The following TBL3 variants were observed in gnomAD, a reference collection of about 807,000 sequenced individuals.
The protein encoded by TBL3 is transducin beta like 3.
In TBL3, 71 loss-of-function variants were observed where a neutral mutation model predicts 102.7. That is an observed-to-expected ratio of 0.69 (90% CI 0.57 to 0.84). TBL3 has a LOEUF of 0.84. TBL3 is among the 40% of genes least tolerant of loss of function. The pLI is 0.00. For missense variants in TBL3, 1,188 were observed against 1,098.5 expected (o/e 1.08, Z -1.15); for synonymous variants, 578 against 477.7 (o/e 1.21, Z -2.74).
In TBL3 at chr16:1,978,310, C is replaced by T; in HGVS notation, c.2135-3C>T. ...AAGACGATGAGGGTCCTGTTGCCCA[C>T]AGAGGCCCTGCTGCGCTTCTGCGTC... On this transcript the variant is annotated splice_polypyrimidine_tract_variant and splice_region_variant and intron_variant, in intron 20 of 21. Transcript: ENST00000568546. 1 of 1,609,548 alleles carries T rather than the reference C, an allele frequency of 6.2e-7. No individual in the cohort carries two copies. The highest frequency in any genetic ancestry group is 1.3e-5 in the African/African-American group (1 of 75,034).
chr16:1,972,236 A>G (rs2083366116), intron 1 of TBL3, 31 bp downstream of exon 1: 2 of 1,329,802 alleles, frequency 1.5e-6, no homozygotes, highest in Non-Finnish European at 1.9e-6. Context: ...CCGTGCGGGG[A>G]GGGAGCTGGG....
At position 1,980,143 on chromosome 16, in the gene TBL3, G is replaced by C; in HGVS notation, c.*1458G>C. 1.2e-6 allele frequency: 2 copies of C among 1,605,716 alleles called. No homozygotes were observed. The highest frequency in any genetic ancestry group is 2.0e-4 in the Middle Eastern group (1 of 5,030). ...GATGGAGAGGCGGCCCGCAGCGCGA[G>C]AAAGAGGCTGCTCCTCTGGGGTGGG... On this transcript the variant is annotated 3_prime_UTR_variant, in exon 22 of 22. Transcript: ENST00000568546.
In TBL3 at chr16:1,976,923, C is replaced by T; in HGVS notation, c.1402C>T (p.Leu468Phe). 3 of 1,613,994 alleles carry T rather than the reference C, an allele frequency of 1.9e-6. No individual in the cohort carries two copies. Among genetic ancestry groups the T allele is most frequent in the Non-Finnish European group, 1.7e-6 (2 of 1,180,018 alleles). The change falls in exon 14 of 22, where the codon CTC (leucine) becomes TTC (phenylalanine). Residue 468 changes from leucine to phenylalanine, a missense_variant. Transcript: ENST00000568546. ...CACAGCCCCAGACAACGGCCCTATC[C>T]TCCTGCAGGCCCAGACCACTCAGCG... ...KNTAPDNGPI[L>F]LQAQTTQRCH...
In TBL3 at chr16:1,979,435, A is replaced by G. The variant is rs368646681; in HGVS notation, c.*750A>G. 23 of 1,609,320 alleles carry G rather than the reference A, an allele frequency of 1.4e-5. No individual in the cohort carries two copies. In the African/African-American group the frequency reaches 2.5e-4, roughly 18 times the overall value. On this transcript the variant is annotated 3_prime_UTR_variant, in exon 22 of 22. Transcript: ENST00000568546. ...CCCGCTCCCGCGTACCTGCATAGCC[A>G]CCAGCCGCGGTCTGACGTTTCCAAC... is the stretch of plus-strand genomic sequence containing the variant.
Position 1,977,995 on chromosome 16 carries a change from T to C in TBL3, c.1996T>C (p.Tyr666His). The C allele has an allele frequency of 6.2e-7, 1 of 1,606,290 alleles. No individual in the cohort carries two copies. The highest frequency in any genetic ancestry group is 8.5e-7 in the Non-Finnish European group (1 of 1,176,286). ...GGACAACCTGCTGCATGAGAAGCGG[T>C]ACCTGCGGGCGCTGGGCCTGGCCAT... ...ELDNLLHEKR[Y>H]LRALGLAISL... is the part of the protein sequence containing the mutation. Residue 666 changes from tyrosine to histidine, a missense_variant, in exon 19 of 22, where the codon TAC becomes CAC. Coordinates refer to ENST00000568546, the MANE Select transcript of TBL3 (RefSeq NM_006453.3).
rs369593961 is a variant in TBL3, at chr16:1,978,630, C to G, written c.2372C>G (p.Pro791Arg). The change falls in exon 22 of 22, where the codon CCT (proline) becomes CGT (arginine). Residue 791 changes from proline (P) to arginine (R), a missense_variant. Pro to Arg is a moderately radical substitution (Grantham distance 103). Coordinates refer to ENST00000568546, the MANE Select transcript of TBL3 (RefSeq NM_006453.3). ...LDFLWHNMKL[P>R]VPAAAPTPWE... ...TTCCTGTGGCACAACATGAAGCTCC[C>G]TGTGCCGGCCGCCGCCCCCACCCCC... 2.5e-6 allele frequency: 4 copies of G among 1,612,752 alleles called. No homozygotes were observed. In the East Asian group the frequency reaches 8.9e-5, roughly 36 times the overall value.
rs1390310316 is a variant in TBL3, at chr16:1,979,923, A to T, written c.*1238A>T. ...ACCAGCCTGTGCGCAAGAAGCGGGC[A>T]GGGACTCAAATCTCGAGGCTCCCTC... is the stretch of plus-strand genomic sequence containing the variant. On this transcript the variant is annotated 3_prime_UTR_variant, in exon 22 of 22. Coordinates refer to ENST00000568546, the MANE Select transcript of TBL3 (RefSeq NM_006453.3). 6.3e-7 allele frequency: 1 copy of T among 1,577,324 alleles called. No homozygotes were observed. The highest frequency in any genetic ancestry group is 1.2e-5 in the South Asian group (1 of 86,924).
chr16:1,980,472 G>T lies in TBL3; in HGVS notation c.*1787G>T. The T allele has an allele frequency of 6.2e-7, 1 of 1,602,388 alleles. No individual in the cohort carries two copies. Among genetic ancestry groups the T allele is most frequent in the East Asian group, 2.2e-5 (1 of 44,870 alleles). On this transcript the variant is annotated 3_prime_UTR_variant, in exon 22 of 22. Coordinates refer to ENST00000568546, the MANE Select transcript of TBL3 (RefSeq NM_006453.3). ...CTCTGCAGTCGCCAGCAGCCTCCGA[G>T]AATAGGTTTCCAACAGCTGCAGGCG...
chr16:1,980,272 T>C lies in TBL3; in HGVS notation c.*1587T>C, dbSNP rs1597057031. 1.7e-5 allele frequency: 25 copies of C among 1,514,860 alleles called. No individual in the cohort carries two copies. The East Asian group carries it at 5.9e-4, about 35-fold the overall frequency. The allele number at this position is 1,514,860 out of a possible 1,614,324, so 93.8% of individuals were successfully genotyped here. On this transcript the variant is annotated 3_prime_UTR_variant, in exon 22 of 22. Transcript: ENST00000568546. ...CCCGGCAAGACCGCCAGCCTCCCAC[T>C]CTCTGCCCCTATTCGCTGGCTGTTC...
Position 1,979,321 on chromosome 16 carries a change from C to T in TBL3, c.*636C>T, listed in dbSNP as rs2150887468. The T allele has an allele frequency of 6.4e-7, 1 of 1,574,288 alleles. No homozygotes were observed. The highest frequency in any genetic ancestry group is 8.6e-7 in the Non-Finnish European group (1 of 1,167,570). On this transcript the variant is annotated 3_prime_UTR_variant, in exon 22 of 22. Transcript: ENST00000568546. The stretch of plus-strand genomic sequence containing the variant: ...AGCCCTTCCGGCCGCAGCAGCACCG[C>T]GGGGAGTAGGCCCGCCCGGTCGCCG...
rs1290777322 is a variant in TBL3, at chr16:1,976,199, C to T, written c.1189-12C>T. On this transcript the variant is annotated splice_polypyrimidine_tract_variant and intron_variant, in intron 12 of 21. Coordinates refer to ENST00000568546, the MANE Select transcript of TBL3 (RefSeq NM_006453.3). ...CATGGACCAGCCTCTCTCCTCAACT[C>T]CCTGTCCCCAGGATCAGAGCGTCCG... 1.2e-6 allele frequency: 2 copies of T among 1,614,030 alleles called. No individual in the cohort carries two copies. The highest frequency in any genetic ancestry group is 2.2e-5 in the South Asian group (2 of 91,090).
rs369593961 is a variant in TBL3, at chr16:1,978,630, C to A, written c.2372C>A (p.Pro791His). Residue 791 changes from proline (P) to histidine (H), a missense_variant, in exon 22 of 22, where the codon CCT becomes CAT. By Grantham distance (77) the Pro-to-His change is moderately conservative (BLOSUM62 -2). Transcript: ENST00000568546. ...TTCCTGTGGCACAACATGAAGCTCC[C>A]TGTGCCGGCCGCCGCCCCCACCCCC... ...LDFLWHNMKL[P>H]VPAAAPTPWE... The A allele has an allele frequency of 5.0e-6, 8 of 1,612,634 alleles. No homozygotes were observed. Among genetic ancestry groups the A allele is most frequent in the African/African-American group, 2.7e-5 (2 of 74,928 alleles).
rs894660522 is a variant in TBL3 at position 1,976,044 on chromosome 16, A to G, written c.1130-12A>G. On this transcript the variant is annotated splice_polypyrimidine_tract_variant and intron_variant, in intron 11 of 21. Coordinates refer to ENST00000568546, the MANE Select transcript of TBL3 (RefSeq NM_006453.3). Reference sequence around the variant, plus strand: ...CTTGCTGTGTGACCTATACCTCCCCACAACATCTCAGATATCGTCCTGGCC... The same window carrying G: ...CTTGCTGTGTGACCTATACCTCCCCGCAACATCTCAGATATCGTCCTGGCC... 41 of 1,613,928 alleles carry G rather than the reference A, an allele frequency of 2.5e-5. No individual in the cohort carries two copies. The Admixed American group carries it at 6.5e-4, about 26-fold the overall frequency.
Position 1,978,651 on chromosome 16 carries a change from C to A in TBL3, c.2393C>A (p.Thr798Asn). ...CTCCCTGTGCCGGCCGCCGCCCCCA[C>A]CCCCTGGGAAACCCATAAAGGCGCA... ...MKLPVPAAAP[T>N]PWETHKGALP is the part of the protein sequence containing the mutation. The change falls in exon 22 of 22, where the codon ACC becomes AAC. Residue 798 changes from threonine (T) to asparagine (N), a missense_variant. Transcript: ENST00000568546. 14 of 1,612,562 alleles carry A rather than the reference C, an allele frequency of 8.7e-6. No individual in the cohort carries two copies. Among genetic ancestry groups the A allele is most frequent in the Non-Finnish European group, 1.2e-5 (14 of 1,179,748 alleles).
In TBL3 at chr16:1,974,120, G is replaced by T; in HGVS notation, c.93+13G>T. 6.3e-7 allele frequency: 1 copy of T among 1,584,948 alleles called. No individual in the cohort carries two copies. The highest frequency in any genetic ancestry group is 1.1e-5 in the South Asian group (1 of 88,808). On this transcript the variant is annotated intron_variant, in intron 2 of 21. Coordinates refer to ENST00000568546, the MANE Select transcript of TBL3 (RefSeq NM_006453.3). ...CGGAAAAGCACAGGTACCAGCCTGG[G>T]GAAGGGCAGTGGGGCGGGCAGCCAG...
intron 10 of TBL3, 48 bp downstream of exon 10, chr16:1,975,758 C>T: frequency 6.2e-7 from 1 of 1,613,674 alleles, no homozygotes; most frequent in Non-Finnish European, 8.5e-7. Flanking sequence ...CACCAGCCCT[C>T]CTCTTACACA....
Position 1,978,443 on chromosome 16 carries a change from A to T in TBL3, c.2265A>T (p.Ala755=). The T allele has an allele frequency of 6.2e-7, 1 of 1,609,550 alleles. No individual in the cohort carries two copies. Among genetic ancestry groups the T allele is most frequent in the Non-Finnish European group, 8.5e-7 (1 of 1,178,322 alleles). ...EELLAYEGVR[A]ALEALLPYTE... is the part of the protein sequence containing the mutation. ...TGCTGGCCTACGAAGGCGTGCGGGC[A>T]GCGCTTGAGGCCCTGCTGCCCTACA... The change falls in exon 21 of 22, where the codon GCA becomes GCT. Residue 755 remains alanine (A), a synonymous_variant. Transcript: ENST00000568546.
rs375139686 is a variant in TBL3, at chr16:1,975,855, C to T, written c.1035C>T (p.Pro345=). The change falls in exon 11 of 22, where the codon CCC becomes CCT. Residue 345 remains proline (P), a synonymous_variant. Coordinates refer to ENST00000568546, the MANE Select transcript of TBL3 (RefSeq NM_006453.3). ...TTTTGGATGTCCGGTTTCTTGGGCCCGAGGACTCCCACGTTGTCGTGGCCT... is the reference window on the plus strand; with the variant it reads ...TTTTGGATGTCCGGTTTCTTGGGCCTGAGGACTCCCACGTTGTCGTGGCCT... ...EEVLDVRFLG[P]EDSHVVVASN... 1.9e-5 allele frequency: 30 copies of T among 1,614,056 alleles called. No homozygotes were observed. The highest frequency in any genetic ancestry group is 8.0e-5 in the African/African-American group (6 of 74,940).
chr16:1,976,706 C>G, intron 13 of TBL3, 108 bp from the exon 14 acceptor site: 1 of 1,381,664 alleles, frequency 7.2e-7, no homozygotes, highest in East Asian at 2.4e-5. Flanking sequence ...CATCCTGGGA[C>G]AGGCCCCGTG....
Sources: allele counts gnomAD v4.1 joint callset, GRCh38; gene constraint gnomAD v4.1.1; transcripts MANE v1.5; gene names NCBI Gene and HGNC (gene_info 2026-07-23, HGNC 2026-07-21).